Variants in LRCH1 observed in about 807,000 individuals in gnomAD.
LRCH1 encodes the protein leucine rich repeats and calponin homology domain containing 1, also known as leucine-rich repeat and calponin homology domain-containing protein 1.
Under a neutral mutation model 94.9 loss-of-function variants are expected in LRCH1, and 23 were observed. The observed-to-expected ratio is 0.24, with a 90% CI of 0.17 to 0.34. LRCH1 has a LOEUF of 0.34. Ranked by LOEUF, LRCH1 falls within the 10% of genes least tolerant of loss-of-function variation. The pLI is 1.00. For missense variants in LRCH1, 790 were observed against 945.9 expected (o/e 0.84, Z 2.16); for synonymous variants, 364 against 354.9 (o/e 1.03, Z -0.29).
At chr13:46,711,049 C>T (rs1872036213) in intron 13 of LRCH1, among the ~76,000 whole-genome samples, 1 of 152,150 alleles carries the variant, frequency 6.6e-6, no homozygotes, top group Admixed American at 6.5e-5. Context: ...ACCTGTAGCT[C>T]ATGCCTCAGG....
At chr13:46,684,236 C>T (rs7982699) in intron 4 of LRCH1, among the ~76,000 whole-genome samples, 85,559 of 150,998 alleles carry the variant, frequency 0.57, 24,764 homozygotes, top group African/African-American at 0.67. Flanking sequence ...TACTCCCTTT[C>T]TCTACTCCAC....
intron 2 of LRCH1, among the ~76,000 whole-genome samples, chr13:46,659,706 C>G (rs1169777653): frequency 1.3e-5 from 2 of 152,106 alleles, no homozygotes; most frequent in Non-Finnish European, 2.9e-5. Context: ...TGGGCTGAAG[C>G]AGTAGCTAGT....
At chr13:46,657,711 TAGAGATGGAA>T (rs1297933497) in intron 2 of LRCH1, among the ~76,000 whole-genome samples, 179 of 135,824 alleles carry the variant, frequency 1.3e-3, no homozygotes, top group South Asian at 1.7e-3. Flanking sequence ...TTTTTTTTGG[TAGAGATGGAA>T]TTTTGCTATG....
intron 1 of LRCH1, among the ~76,000 whole-genome samples, chr13:46,610,446 A>G (rs566872331): frequency 2.6e-5 from 4 of 151,142 alleles, no homozygotes; most frequent in African/African-American, 9.7e-5. Flanking sequence ...TTATTAAGTT[A>G]TCTACCCAAA....
At position 46,737,271 on chromosome 13, in the gene LRCH1, G is replaced by A. The variant is rs117189696; in HGVS notation, c.2085+3273G>A. The stretch of plus-strand genomic sequence containing the variant: ...CCCTCCACGACATTTAAAAAAATTT[G>A]TTATGATTTTTTAAGACAGGGTCTC... On this transcript the variant is annotated intron_variant, in intron 19 of 19. Transcript: ENST00000389797. Among the ~76,000 whole-genome samples, 9 of 152,264 alleles carry A rather than the reference G, an allele frequency of 5.9e-5. No homozygotes were observed. The East Asian group carries it at 1.5e-3, about 26-fold the overall frequency.
intron 1 of LRCH1, among the ~76,000 whole-genome samples, chr13:46,613,371 A>G (rs1452781767): frequency 6.8e-6 from 1 of 147,706 alleles, no homozygotes; most frequent in Non-Finnish European, 1.5e-5. Flanking sequence ...CTGGTGACAG[A>G]GCGAGACCCC....
chr13:46,614,996 T>G (rs908513165), intron 1 of LRCH1, among the ~76,000 whole-genome samples: 5 of 152,210 alleles, frequency 3.3e-5, no homozygotes, highest in African/African-American at 1.2e-4. Context: ...CTATTCTTTT[T>G]TAGGGCTATC....
At chr13:46,740,218 G>A (rs1451484558) in intron 19 of LRCH1, among the ~76,000 whole-genome samples, 1 of 152,156 alleles carries the variant, frequency 6.6e-6, no homozygotes, top group African/African-American at 2.4e-5. Flanking sequence ...TCCAATTTAT[G>A]TGTAGCTGTT....
intron 1 of LRCH1, among the ~76,000 whole-genome samples, chr13:46,582,102 A>G (rs1177068213): frequency 6.8e-6 from 1 of 147,862 alleles, no homozygotes; most frequent in Non-Finnish European, 1.5e-5. Flanking sequence ...GTGAGCCGAA[A>G]TCATGCCACA....
At chr13:46,564,906 C>T (rs1246584651) in intron 1 of LRCH1, among the ~76,000 whole-genome samples, 1 of 152,120 alleles carries the variant, frequency 6.6e-6, no homozygotes, top group African/African-American at 2.4e-5. Flanking sequence ...ACTTTCTGTC[C>T]TTAATTTCCA....
chr13:46,578,779 G>A (rs760322074), intron 1 of LRCH1, among the ~76,000 whole-genome samples: 9 of 151,766 alleles, frequency 5.9e-5, no homozygotes, highest in South Asian at 2.1e-4. Context: ...GGGGATGTAC[G>A]GGGTGTGTGG....
intron 1 of LRCH1, among the ~76,000 whole-genome samples, chr13:46,637,013 G>A (rs2051099543): frequency 6.6e-6 from 1 of 152,098 alleles, no homozygotes; most frequent in South Asian, 2.1e-4. Flanking sequence ...TATCTAATAG[G>A]TGTCTCAACA....
intron 9 of LRCH1, among the ~76,000 whole-genome samples, chr13:46,697,024 C>T (rs1160230790): frequency 6.6e-6 from 1 of 152,204 alleles, no homozygotes; most frequent in Non-Finnish European, 1.5e-5. Flanking sequence ...GCCATGACTG[C>T]ACCACTGCAC....
At chr13:46,745,960 G>A (rs934528778), downstream of LRCH1, among the ~76,000 whole-genome samples, 3 of 152,146 alleles carry the variant, frequency 2.0e-5, no homozygotes, top group Non-Finnish European at 2.9e-5. Context: ...TTGAGGGTTC[G>A]CTGGTCCCAT....
chr13:46,600,424 T>C (rs895671052), intron 1 of LRCH1, among the ~76,000 whole-genome samples: 1 of 152,204 alleles, frequency 6.6e-6, no homozygotes, highest in South Asian at 2.1e-4. Context: ...GGTCAGTCCT[T>C]CTAAGGAAGT....
At chr13:46,626,617 G>A (rs899722902) in intron 1 of LRCH1, among the ~76,000 whole-genome samples, 2 of 152,076 alleles carry the variant, frequency 1.3e-5, no homozygotes, top group Admixed American at 6.6e-5. Context: ...CTCTCTTTTC[G>A]GACTCAGCCC....
At chr13:46,678,913 C>T (rs1357584265) in intron 3 of LRCH1, among the ~76,000 whole-genome samples, 3 of 152,136 alleles carry the variant, frequency 2.0e-5, no homozygotes, top group Admixed American at 2.0e-4. Context: ...AACGTGCTAC[C>T]TAAATGTATC....
At chr13:46,669,952 C>T (rs570747681) in intron 3 of LRCH1, among the ~76,000 whole-genome samples, 40 of 152,318 alleles carry the variant, frequency 2.6e-4, no homozygotes, top group African/African-American at 9.1e-4. Flanking sequence ...ACCTGTCTTT[C>T]AGTAGATTCC....
intron 2 of LRCH1, among the ~76,000 whole-genome samples, chr13:46,659,791 G>C (rs918500836): frequency 2.0e-5 from 3 of 152,104 alleles, no homozygotes; most frequent in African/African-American, 4.8e-5. Flanking sequence ...TAAGTAAACT[G>C]TTATGAGTTG....
Sources: allele counts gnomAD v4.1 joint callset (sites outside exome capture counted in the v4.1 genomes callset), GRCh38; gene constraint gnomAD v4.1.1; transcripts MANE v1.5; gene names NCBI Gene and HGNC (gene_info 2026-07-23, HGNC 2026-07-21).